Variants in TOM1L2 observed in about 807,000 individuals in gnomAD.
The protein encoded by TOM1L2 is TOM1-like protein 2.
TOM1L2 carries 31 observed loss-of-function variants against 67.9 expected under a neutral mutation model. The ratio of observed to expected loss-of-function variants is 0.46; its 90% confidence interval spans 0.34 to 0.62. The LOEUF (loss-of-function observed/expected upper bound fraction) is 0.62. TOM1L2 is among the 20% of genes least tolerant of loss of function. The probability of loss-of-function intolerance (pLI) is 0.01; values close to 1 mark genes in which losing one functional copy is unlikely to be tolerated. For missense variants in TOM1L2, 606 were observed against 663.5 expected (o/e 0.91, Z 0.95); for synonymous variants, 256 against 254.0 (o/e 1.01, Z -0.07).
At chr17:17,927,414 C>T (rs1011370505) in intron 1 of TOM1L2, among the ~76,000 whole-genome samples, 4 of 152,156 alleles carry the variant, frequency 2.6e-5, no homozygotes, top group Non-Finnish European at 1.5e-5. Flanking sequence ...CTTCTTCTTT[C>T]CCTCCATCTC....
At chr17:17,966,649 C>A (rs1349638564) in intron 1 of TOM1L2, among the ~76,000 whole-genome samples, 1 of 152,194 alleles carries the variant, frequency 6.6e-6, no homozygotes, top group Non-Finnish European at 1.5e-5. Context: ...ACAGAATGAG[C>A]ACTGGATCAG....
At chr17:17,890,963 T>C (rs1294340464) in intron 4 of TOM1L2, among the ~76,000 whole-genome samples, 1 of 152,222 alleles carries the variant, frequency 6.6e-6, no homozygotes, top group Non-Finnish European at 1.5e-5. Flanking sequence ...TGTCCTCTGC[T>C]GGGCAGCCGT....
intron 4 of TOM1L2, among the ~76,000 whole-genome samples, chr17:17,891,380 G>A (rs189184401): frequency 1.7e-4 from 26 of 152,346 alleles, no homozygotes; most frequent in Non-Finnish European, 3.4e-4. Context: ...AAGCTAGGAG[G>A]AGCTGGAAAG....
At chr17:17,912,273 C>T (rs1419797159) in intron 1 of TOM1L2, among the ~76,000 whole-genome samples, 5 of 150,654 alleles carry the variant, frequency 3.3e-5, no homozygotes, top group East Asian at 2.0e-4. Flanking sequence ...GGCGGCTGGC[C>T]GGGCGGGGGG....
At chr17:17,851,404 G>A (rs1012054649) in intron 12 of TOM1L2, 3 of 248,060 alleles carry the variant, frequency 1.2e-5, no homozygotes, top group East Asian at 1.2e-4. Context: ...TGCCCAGAGC[G>A]GGGTACAGGT....
chr17:17,938,675 A>G (rs1350850132), intron 1 of TOM1L2, among the ~76,000 whole-genome samples: 2 of 152,062 alleles, frequency 1.3e-5, no homozygotes, highest in Non-Finnish European at 2.9e-5. Context: ...GTCACAAACC[A>G]ATACTACCTA....
chr17:17,929,804 C>T (rs960839945), intron 1 of TOM1L2, among the ~76,000 whole-genome samples: 1 of 152,222 alleles, frequency 6.6e-6, no homozygotes, highest in African/African-American at 2.4e-5. Context: ...ACAGGTTATT[C>T]ACCAATCCCT....
At chr17:17,912,933 C>T (rs1397411304) in intron 1 of TOM1L2, among the ~76,000 whole-genome samples, 1 of 152,236 alleles carries the variant, frequency 6.6e-6, no homozygotes, top group South Asian at 2.1e-4. Context: ...TCTGCAATCC[C>T]GGCACCTCGG....
intron 13 of TOM1L2, among the ~76,000 whole-genome samples, chr17:17,850,372 G>A (rs1391433428): frequency 6.6e-6 from 1 of 152,066 alleles, no homozygotes; most frequent in Admixed American, 6.5e-5. Context: ...TGAGGATGGA[G>A]ACAATGGGTC....
intron 1 of TOM1L2, among the ~76,000 whole-genome samples, chr17:17,963,985 T>C (rs928468003): frequency 2.0e-5 from 3 of 152,200 alleles, no homozygotes; most frequent in Non-Finnish European, 4.4e-5. Flanking sequence ...ATGAATGATA[T>C]GGATAGCAAG....
chr17:17,909,514 T>A (rs916248559), intron 1 of TOM1L2, among the ~76,000 whole-genome samples: 2 of 151,102 alleles, frequency 1.3e-5, no homozygotes, highest in African/African-American at 4.9e-5. Context: ...TACTAGATGA[T>A]TCTACTTACA....
chr17:17,874,456 A>T (rs957055370), intron 7 of TOM1L2, among the ~76,000 whole-genome samples: 1 of 151,926 alleles, frequency 6.6e-6, no homozygotes, highest in Non-Finnish European at 1.5e-5. Context: ...TTTTTAGTAG[A>T]GATGGGGTTT....
chr17:17,861,672 A>G (rs1203527753), intron 11 of TOM1L2, 121 bp from the exon 12 acceptor site: 1 of 832,790 alleles, frequency 1.2e-6, no homozygotes, highest in Non-Finnish European at 1.9e-6. Context: ...TTGGAAAAAC[A>G]TTTCCTGAAA....
At chr17:17,854,134 A>G (rs1393397007) in intron 12 of TOM1L2, among the ~76,000 whole-genome samples, 1 of 152,212 alleles carries the variant, frequency 6.6e-6, no homozygotes, top group Non-Finnish European at 1.5e-5. Flanking sequence ...AACCTTAGCT[A>G]TCTAAACCTC....
intron 1 of TOM1L2, among the ~76,000 whole-genome samples, chr17:17,929,384 T>A (rs1264226924): frequency 1.3e-5 from 2 of 152,188 alleles, no homozygotes; most frequent in African/African-American, 2.4e-5. Context: ...ACGCCTGTAA[T>A]CCCAGCACTT....
chr17:17,962,520 C>T (rs1597475966), intron 1 of TOM1L2, among the ~76,000 whole-genome samples: 1 of 151,920 alleles, frequency 6.6e-6, no homozygotes, highest in East Asian at 2.0e-4. Flanking sequence ...CACCGTGTTG[C>T]GCAGGCTGGT....
intron 1 of TOM1L2, 121 bp from the exon 2 acceptor site, chr17:17,907,652 A>C: frequency 1.3e-6 from 1 of 793,754 alleles, no homozygotes; most frequent in South Asian, 1.7e-5. Flanking sequence ...GAGCCAACAG[A>C]GCCATTCTAG....
In TOM1L2 at chr17:17,948,905, G is replaced by T. The variant is rs561479070; in HGVS notation, c.52+23357C>A. Among the ~76,000 whole-genome samples the T allele has an allele frequency of 6.6e-5, 10 of 152,262 alleles. No homozygotes were observed. In the South Asian group the frequency reaches 1.5e-3, roughly 22 times the overall value. ...GATCTGTGCTGACCCTGTGAGGGGTGGGGGGAAAGAGTTGGAGTACAGAGC... is the reference window on the plus strand; with the variant it reads ...GATCTGTGCTGACCCTGTGAGGGGTTGGGGGAAAGAGTTGGAGTACAGAGC... On this transcript the variant is annotated intron_variant, in intron 1 of 14. Transcript: ENST00000379504.
intron 12 of TOM1L2, among the ~76,000 whole-genome samples, chr17:17,854,513 A>C (rs2036160612): frequency 6.6e-6 from 1 of 151,570 alleles, no homozygotes; most frequent in Non-Finnish European, 1.5e-5. Context: ...TTATTTATTT[A>C]GTTATTTATT....
Sources: gnomAD v4.1 joint callset for allele counts (sites outside exome capture counted in the v4.1 genomes callset) on GRCh38, gnomAD v4.1.1 for gene constraint, MANE v1.5 for transcripts, NCBI Gene and HGNC (gene_info 2026-07-23, HGNC 2026-07-21) for gene names.